The following CRACD variants were observed in gnomAD, a reference collection of about 807,000 sequenced individuals.
The protein encoded by CRACD is capping protein-inhibiting regulator of actin dynamics.
In CRACD, 56 loss-of-function variants were observed where a neutral mutation model predicts 106.8. That is an observed-to-expected ratio of 0.52 (90% CI 0.42 to 0.66). The LOEUF (loss-of-function observed/expected upper bound fraction) is 0.66, where lower values mean the gene tolerates loss of function less well. CRACD is among the 30% of genes least tolerant of loss of function. CRACD has a pLI of 0.00. For synonymous variants in CRACD, 754 were observed against 670.8 expected, an observed-to-expected ratio of 1.12 and a Z score of -1.92; for missense variants, 1,730 against 1,623.2, an observed-to-expected ratio of 1.07 and a Z score of -1.13.
chr4:56,200,657 A>G (rs543072073), intron 2 of CRACD, among the ~76,000 whole-genome samples: 13 of 152,348 alleles, frequency 8.5e-5, no homozygotes, highest in African/African-American at 3.1e-4. Context: ...AAAATTACTG[A>G]GAAATTAACA....
At position 56,315,211 on chromosome 4, in the gene CRACD, C is replaced by T; in HGVS notation, c.1709C>T (p.Pro570Leu). The change falls in exon 8 of 11, where the codon CCC (proline) becomes CTC (leucine). Residue 570 changes from proline to leucine, a missense_variant. Physicochemically the swap from Pro to Leu is moderately conservative, Grantham distance 98. Transcript: ENST00000682029. This position sits in a 1 kb window ranked among gnomAD's most constrained non-coding sequence, Gnocchi z 4.1. Reference protein sequence around the residue: ...PAKDTGLTAAPQEPKAPKASP... With the variant: ...PAKDTGLTAALQEPKAPKASP... Reference sequence around the variant, plus strand: ...AAGGACACGGGGCTCACCGCTGCTCCCCAGGAACCAAAGGCCCCCAAAGCC... The same window carrying T: ...AAGGACACGGGGCTCACCGCTGCTCTCCAGGAACCAAAGGCCCCCAAAGCC... The T allele has an allele frequency of 6.3e-7, 1 of 1,594,040 alleles. No individual in the cohort carries two copies. The highest frequency in any genetic ancestry group is 8.5e-7 in the Non-Finnish European group (1 of 1,170,358).
intron 1 of CRACD, among the ~76,000 whole-genome samples, chr4:56,142,767 T>TG (rs1735249969): frequency 6.6e-6 from 1 of 152,144 alleles, no homozygotes. Flanking sequence ...GTTTAGTTGA[T>TG]TGTCACAACA....
At chr4:56,147,455 A>G (rs1388061375) in intron 1 of CRACD, among the ~76,000 whole-genome samples, 1 of 152,182 alleles carries the variant, frequency 6.6e-6, no homozygotes, top group Non-Finnish European at 1.5e-5. Flanking sequence ...GCCCTAGGCA[A>G]CCACTGACCT....
At chr4:56,226,483 A>C (rs994893116) in intron 2 of CRACD, among the ~76,000 whole-genome samples, 2 of 152,172 alleles carry the variant, frequency 1.3e-5, no homozygotes, top group Non-Finnish European at 2.9e-5. Context: ...CCAGAGGACT[A>C]TAGTGCAATA....
intron 1 of CRACD, among the ~76,000 whole-genome samples, chr4:56,142,961 G>A (rs13148796): frequency 1.3e-5 from 2 of 151,096 alleles, no homozygotes; most frequent in Admixed American, 6.6e-5. Flanking sequence ...TTTACCATTC[G>A]GTAAGACAAG....
chr4:56,173,108 T>C (rs1217000388), intron 1 of CRACD, among the ~76,000 whole-genome samples: 2 of 152,222 alleles, frequency 1.3e-5, no homozygotes, highest in Admixed American at 6.5e-5. Context: ...CAGGCAACTT[T>C]CTCTTAGCAC....
At chr4:56,234,504 C>T (rs1358687017) in intron 2 of CRACD, among the ~76,000 whole-genome samples, 1 of 151,994 alleles carries the variant, frequency 6.6e-6, no homozygotes, top group African/African-American at 2.4e-5. Context: ...AGGTTGTTCC[C>T]ACTTATTAAC....
intron 2 of CRACD, among the ~76,000 whole-genome samples, chr4:56,213,840 T>C (rs912116418): frequency 1.3e-5 from 2 of 152,214 alleles, no homozygotes; most frequent in Non-Finnish European, 2.9e-5. Context: ...GAGAAACCTT[T>C]TGGCTGAATT....
At chr4:56,120,494 A>G (rs1042382038) in intron 1 of CRACD, among the ~76,000 whole-genome samples, 1 of 152,224 alleles carries the variant, frequency 6.6e-6, no homozygotes, top group Admixed American at 6.5e-5. Context: ...ATAGTTATCT[A>G]TTATGACGCA....
intron 2 of CRACD, among the ~76,000 whole-genome samples, chr4:56,210,777 G>A (rs75783240): frequency 0.014 from 2,090 of 152,286 alleles, 40 homozygotes; most frequent in African/African-American, 0.045. Flanking sequence ...AGTTAAAGGT[G>A]TATTTGAGTT....
At chr4:56,206,990 A>T (rs1460990245) in intron 2 of CRACD, among the ~76,000 whole-genome samples, 1 of 152,236 alleles carries the variant, frequency 6.6e-6, no homozygotes, top group African/African-American at 2.4e-5. Context: ...GGGGACTACT[A>T]TTATGACTGT....
At chr4:56,139,716 G>T (rs79049700) in intron 1 of CRACD, among the ~76,000 whole-genome samples, 3,286 of 152,068 alleles carry the variant, frequency 0.022, 131 homozygotes, top group African/African-American at 0.076. Context: ...GGAGAAGATG[G>T]GTTTATGTCC....
intron 1 of CRACD, among the ~76,000 whole-genome samples, chr4:56,175,585 C>T (rs1736549850): frequency 6.6e-6 from 1 of 152,146 alleles, no homozygotes; most frequent in African/African-American, 2.4e-5. Context: ...ATAATAATCA[C>T]ATCAGGGTAC....
intron 1 of CRACD, among the ~76,000 whole-genome samples, chr4:56,086,970 T>A (rs1733249973): frequency 6.6e-6 from 1 of 152,134 alleles, no homozygotes; most frequent in Admixed American, 6.5e-5. Flanking sequence ...ACACAAATGC[T>A]CTCTCTCCCT....
chr4:56,195,056 G>T (rs2109462911), intron 2 of CRACD, among the ~76,000 whole-genome samples: 1 of 152,330 alleles, frequency 6.6e-6, no homozygotes, highest in South Asian at 2.1e-4. Context: ...TATTGAGTTT[G>T]ATCTTTTCTA....
At position 56,214,681 on chromosome 4, in the gene CRACD, C is replaced by CTCTCTCTCTCTCTCTCTATATATATATA; in HGVS notation, c.-189+35252_-189+35253insCTCTCTCTCTCTCTCTATATATATATAT. Among the ~76,000 whole-genome samples, 9 of 80,964 alleles carry CTCTCTCTCTCTCTCTCTATATATATATA rather than the reference C, an allele frequency of 1.1e-4. 1 individual carries two copies. Among genetic ancestry groups the CTCTCTCTCTCTCTCTCTATATATATATA allele is most frequent in the Non-Finnish European group, 1.6e-4 (6 of 38,528 alleles). 53.1% of individuals were successfully genotyped at this position (80,964 alleles called of 152,430 possible). A position where few individuals can be genotyped will look rare whatever the true frequency, so the allele number is the denominator to read the frequency against. ...TCTCTCTCTCTCTCTCTCTCTCTCT[C>CTCTCTCTCTCTCTCTCTATATATATATA]TATATATATATATATCAAACAGTTA... On this transcript the variant is annotated intron_variant, in intron 2 of 10. Coordinates refer to ENST00000682029, the MANE Select transcript of CRACD (RefSeq NM_001393381.1).
At chr4:56,154,148 T>C (rs1470260650) in intron 1 of CRACD, among the ~76,000 whole-genome samples, 1 of 152,102 alleles carries the variant, frequency 6.6e-6, no homozygotes, top group Non-Finnish European at 1.5e-5. Context: ...TGCAGCCTTT[T>C]TGAGGTATGG....
intron 1 of CRACD, among the ~76,000 whole-genome samples, chr4:56,075,640 A>G (rs181216037): frequency 7.2e-4 from 109 of 152,230 alleles, no homozygotes; most frequent in African/African-American, 2.5e-3. Context: ...CCTAGCAACC[A>G]AGTCTCCTAG....
rs1016523829 is a variant in CRACD at position 56,307,833 on chromosome 4, C to T, written c.285+134C>T. The T allele has an allele frequency of 4.9e-6, 4 of 819,986 alleles. No homozygotes were observed. In the African/African-American group the frequency reaches 6.9e-5, roughly 14 times the overall value. 50.8% of individuals were successfully genotyped at this position (819,986 alleles called of 1,614,324 possible). A position where few individuals can be genotyped will look rare whatever the true frequency, so the allele number is the denominator to read the frequency against. On this transcript the variant is annotated intron_variant, in intron 5 of 10. Transcript: ENST00000682029. Reference sequence around the variant, plus strand: ...TCATGAGTAGCTCAGGGCTTGAGGGCACTTCCTGGTAGGTGTCCTGACCTG... The same window carrying T: ...TCATGAGTAGCTCAGGGCTTGAGGGTACTTCCTGGTAGGTGTCCTGACCTG...
Sources: gnomAD v4.1 joint callset for allele counts (sites outside exome capture counted in the v4.1 genomes callset) on GRCh38, gnomAD v4.1.1 for gene constraint, Gnocchi (gnomAD v3.1) non-coding constraint, MANE v1.5 for transcripts, NCBI Gene and HGNC (gene_info 2026-07-23, HGNC 2026-07-21) for gene names.